Variants in PTGR3 observed in about 807,000 individuals in gnomAD.
PTGR3 encodes the protein prostaglandin reductase 3.
chr18:75,197,641 T>C, the PTGR3 span: 1 of 152,236 alleles, frequency 6.6e-6, no homozygotes, highest in African/African-American at 2.4e-5. Flanking sequence ...TTTTGACTTC[T>C]GAAATATGAT....
At chr18:75,198,103 A>C in the PTGR3 span, 3 of 152,342 alleles carry the variant, frequency 2.0e-5, no homozygotes, top group South Asian at 6.2e-4. Flanking sequence ...AGGGGTTAAA[A>C]CATTACCCAG....
At chr18:75,204,006 G>A in the PTGR3 span, among the ~76,000 whole-genome samples, 1 of 152,190 alleles carries the variant, frequency 6.6e-6, no homozygotes, top group Non-Finnish European at 1.5e-5. Context: ...TGGAAGTGGG[G>A]GGACAGGAGC....
At chr18:75,201,735 A>G in the PTGR3 span, 1 of 1,614,228 alleles carries the variant, frequency 6.2e-7, no homozygotes, top group South Asian at 1.1e-5. Flanking sequence ...GTAGCCAGAG[A>G]TAAACCCTAT....
the PTGR3 span, chr18:75,202,364 T>G: frequency 6.3e-7 from 1 of 1,590,668 alleles, no homozygotes; most frequent in African/African-American, 1.3e-5. Context: ...AACAAACAAA[T>G]ATGTTACGAT....
At chr18:75,204,096 TC>T in the PTGR3 span, among the ~76,000 whole-genome samples, 1 of 152,216 alleles carries the variant, frequency 6.6e-6, no homozygotes, top group Non-Finnish European at 1.5e-5. Context: ...TCCCAGTTTG[TC>T]CCCCTGGTGT....
chr18:75,208,757 C>T, the PTGR3 span: 3 of 1,185,846 alleles, frequency 2.5e-6, no homozygotes, highest in Non-Finnish European at 3.2e-6. Flanking sequence ...GGAGTGTGGG[C>T]ACGCGGGCGG....
the PTGR3 span, among the ~76,000 whole-genome samples, chr18:75,207,490 T>C: frequency 6.6e-6 from 1 of 152,154 alleles, no homozygotes; most frequent in Non-Finnish European, 1.5e-5. Context: ...TGCACGCTCT[T>C]ACTCTCAACA....
At chr18:75,205,403 CA>C in the PTGR3 span, 3 of 985,024 alleles carry the variant, frequency 3.0e-6, no homozygotes, top group Non-Finnish European at 3.6e-6. Flanking sequence ...AAACTGTGTG[CA>C]TGCAGTGAGC....
chr18:75,202,077 G>GTGC, the PTGR3 span: 2 of 1,614,078 alleles, frequency 1.2e-6, no homozygotes, highest in Non-Finnish European at 1.7e-6. Flanking sequence ...GTATGCGGTG[G>GTGC]TGCCACTTAC....
chr18:75,200,514 C>T, the PTGR3 span: 53,134 of 152,034 alleles, frequency 0.35, 10,566 homozygotes, highest in East Asian at 0.43. Flanking sequence ...TGGGACATAC[C>T]GTACCTCGAG....
chr18:75,201,715 TAGG>T, the PTGR3 span: 3 of 1,614,086 alleles, frequency 1.9e-6, no homozygotes. Flanking sequence ...GAAAGGCCAG[TAGG>T]AGTTTGGTAG....
chr18:75,200,191 G>C, the PTGR3 span: 1 of 152,124 alleles, frequency 6.6e-6, no homozygotes, highest in East Asian at 1.9e-4. Flanking sequence ...CGGTGACAGC[G>C]GCAGCAGTCT....
chr18:75,205,037 G>C, the PTGR3 span, among the ~76,000 whole-genome samples: 1 of 152,150 alleles, frequency 6.6e-6, no homozygotes, highest in Non-Finnish European at 1.5e-5. Flanking sequence ...AGGAGCCCGC[G>C]GCGGCTCGGG....
At chr18:75,196,480 A>T in the PTGR3 span, 1 of 151,714 alleles carries the variant, frequency 6.6e-6, no homozygotes, top group South Asian at 2.1e-4. Flanking sequence ...AAATACAAAA[A>T]AATTAGCCGG....
the PTGR3 span, chr18:75,196,699 G>C: frequency 6.8e-6 from 1 of 146,958 alleles, no homozygotes; most frequent in Admixed American, 6.8e-5. Flanking sequence ...ACATGAAGAC[G>C]TATTGGTTTT....
chr18:75,197,823 G>A, the PTGR3 span: 9 of 152,286 alleles, frequency 5.9e-5, no homozygotes, highest in South Asian at 2.1e-4. Context: ...AAATCAGGCC[G>A]TTTTGCATCC....
chr18:75,201,498 C>G, the PTGR3 span: 2 of 1,613,994 alleles, frequency 1.2e-6, no homozygotes, highest in African/African-American at 1.3e-5. Context: ...ATTGACAGCA[C>G]GGAATATGGA....
the PTGR3 span, chr18:75,195,186 T>A: frequency 6.6e-6 from 1 of 152,262 alleles, no homozygotes; most frequent in Admixed American, 6.5e-5. Flanking sequence ...TAAAACTAAA[T>A]TATGGATATT....
the PTGR3 span, chr18:75,201,984 G>A: frequency 1.2e-6 from 2 of 1,614,074 alleles, no homozygotes; most frequent in Middle Eastern, 1.6e-4. Flanking sequence ...AAGCTGCATG[G>A]CAAACTGGCC....
Sources: allele counts gnomAD v4.1 joint callset (sites outside exome capture counted in the v4.1 genomes callset), GRCh38; gene constraint gnomAD v4.1.1; transcripts MANE v1.5; gene names NCBI Gene and HGNC (gene_info 2026-07-23, HGNC 2026-07-21).